BMP2K: variants seen among roughly 807,000 people sequenced by gnomAD.
BMP2K encodes BMP-2-inducible protein kinase.
In BMP2K, 74 loss-of-function variants were observed where a neutral mutation model predicts 116.0. The ratio of observed to expected loss-of-function variants is 0.64; its 90% CI spans 0.53 to 0.77. BMP2K has a LOEUF of 0.77. Ranked by LOEUF, BMP2K falls within the 30% of genes least tolerant of loss-of-function variation. BMP2K has a pLI of 0.00. For missense variants in BMP2K, 1,365 were observed against 1,403.6 expected, an observed-to-expected ratio of 0.97 and a Z score of 0.44; for synonymous variants, 486 against 502.5, an observed-to-expected ratio of 0.97 and a Z score of 0.44.
chr4:78,893,728 A>T (rs1392702901), intron 15 of BMP2K, among the ~76,000 whole-genome samples: 1 of 152,080 alleles, frequency 6.6e-6, no homozygotes, highest in Non-Finnish European at 1.5e-5. Flanking sequence ...ACACCTGCGA[A>T]ATTCTTTAAA....
At chr4:78,905,512 GT>G (rs1357309674) in intron 15 of BMP2K, among the ~76,000 whole-genome samples, 1 of 151,922 alleles carries the variant, frequency 6.6e-6, no homozygotes, top group Non-Finnish European at 1.5e-5. Context: ...CATCTACACA[GT>G]TTTTAATGCT....
intron 6 of BMP2K, among the ~76,000 whole-genome samples, chr4:78,849,690 T>C (rs1731160907): frequency 6.6e-6 from 1 of 151,642 alleles, no homozygotes; most frequent in Non-Finnish European, 1.5e-5. Flanking sequence ...TCATAAATCT[T>C]TTGTAACCAT....
intron 5 of BMP2K, among the ~76,000 whole-genome samples, chr4:78,846,868 G>T (rs568965212): frequency 1.3e-5 from 2 of 151,382 alleles, no homozygotes; most frequent in Admixed American, 1.3e-4. Context: ...TAGCCAAATT[G>T]TGTTATTTCA....
intron 1 of BMP2K, among the ~76,000 whole-genome samples, chr4:78,796,303 G>A (rs1267787789): frequency 4.1e-5 from 6 of 146,340 alleles, no homozygotes; most frequent in Admixed American, 2.1e-4. Flanking sequence ...ACCAAACACC[G>A]CATATTCTCA....
In BMP2K at chr4:78,884,583, TATC is replaced by T. The variant is rs559891769; in HGVS notation, c.1952-2588_1952-2586del. ...CCCTTGGATATTGACATGCTGTAGT[TATC>T]ATTCTGAGTCAGTCTCTTCCATTTG... On this transcript the variant is annotated intron_variant, in intron 14 of 15. Transcript: ENST00000502613. Among the ~76,000 whole-genome samples the T allele has an allele frequency of 5.3e-5, 8 of 152,330 alleles. No individual in the cohort carries two copies. In the East Asian group the frequency reaches 1.5e-3, roughly 29 times the overall value.
At chr4:78,808,804 A>G (rs933967786) in intron 1 of BMP2K, among the ~76,000 whole-genome samples, 31 of 151,704 alleles carry the variant, frequency 2.0e-4, no homozygotes, top group Admixed American at 2.0e-3. Context: ...ATTTACTTTT[A>G]TTGTGGTTGG....
intron 1 of BMP2K, among the ~76,000 whole-genome samples, chr4:78,794,219 G>A (rs1373170984): frequency 6.7e-6 from 1 of 148,240 alleles, no homozygotes; most frequent in Non-Finnish European, 1.5e-5. Context: ...GGTAGGCTGA[G>A]TGAAATCTGT....
intron 1 of BMP2K, among the ~76,000 whole-genome samples, chr4:78,810,556 A>G (rs1002954221): frequency 6.6e-6 from 1 of 152,194 alleles, no homozygotes; most frequent in African/African-American, 2.4e-5. Flanking sequence ...GTCAGGTCAC[A>G]TAAAGACAAA....
intron 1 of BMP2K, among the ~76,000 whole-genome samples, chr4:78,806,627 T>A (rs1728833750): frequency 6.6e-6 from 1 of 152,190 alleles, no homozygotes; most frequent in Non-Finnish European, 1.5e-5. Flanking sequence ...TATATATACC[T>A]GCTGTGTATC....
In BMP2K at chr4:78,818,235, A is replaced by G. The variant is rs796678911; in HGVS notation, c.179-7802A>G. Among the ~76,000 whole-genome samples the G allele has an allele frequency of 5.3e-5, 8 of 150,936 alleles. No homozygotes were observed. The South Asian group carries it at 1.7e-3, about 31-fold the overall frequency. ...TTTGCTGCACCCATCAACCCTTTGGATATATACCCATCATAATGCCTATAA... is the reference window on the plus strand; with the variant it reads ...TTTGCTGCACCCATCAACCCTTTGGGTATATACCCATCATAATGCCTATAA... On this transcript the variant is annotated intron_variant, in intron 1 of 15. Coordinates refer to ENST00000502613, the MANE Select transcript of BMP2K (RefSeq NM_198892.2).
intron 8 of BMP2K, among the ~76,000 whole-genome samples, chr4:78,860,293 T>G (rs1731711360): frequency 6.6e-6 from 1 of 151,834 alleles, no homozygotes; most frequent in African/African-American, 2.4e-5. Flanking sequence ...ATGCAGTATA[T>G]CCTTATAACA....
intron 15 of BMP2K, among the ~76,000 whole-genome samples, chr4:78,903,230 GTATT>G (rs777879420): frequency 2.6e-5 from 4 of 151,820 alleles, no homozygotes; most frequent in African/African-American, 4.8e-5. Flanking sequence ...TCATGTTCTT[GTATT>G]TATTTGGTGA....
chr4:78,883,005 C>A (rs1453682613), intron 14 of BMP2K, among the ~76,000 whole-genome samples: 1 of 151,998 alleles, frequency 6.6e-6, no homozygotes, highest in Non-Finnish European at 1.5e-5. Context: ...ACACCATTAT[C>A]CATATAAGCA....
intron 10 of BMP2K, among the ~76,000 whole-genome samples, chr4:78,868,497 A>G (rs1250747991): frequency 6.6e-6 from 1 of 152,132 alleles, no homozygotes. Context: ...TTCAAAACCA[A>G]TCATGCCTTC....
chr4:78,850,008 G>A (rs569949805), intron 6 of BMP2K, among the ~76,000 whole-genome samples: 1 of 151,806 alleles, frequency 6.6e-6, no homozygotes, highest in East Asian at 1.9e-4. Flanking sequence ...ATAAGGCCAA[G>A]TTTCGGTATT....
At chr4:78,870,664 T>G (rs1732283931) in intron 10 of BMP2K, 119 bp from the exon 11 acceptor site, 1 of 1,341,598 alleles carries the variant, frequency 7.5e-7, no homozygotes, top group Non-Finnish European at 9.9e-7. Flanking sequence ...GAAGTTTTTG[T>G]GTTATAAATA....
chr4:78,809,318 T>C (rs192877016), intron 1 of BMP2K, among the ~76,000 whole-genome samples: 138 of 152,306 alleles, frequency 9.1e-4, no homozygotes, highest in African/African-American at 3.2e-3. Flanking sequence ...TACCATCCTT[T>C]TAGTTTTAAT....
chr4:78,887,378 G>A, intron 15 of BMP2K, 94 bp downstream of exon 15: 1 of 841,932 alleles, frequency 1.2e-6, no homozygotes, highest in East Asian at 2.8e-5. Context: ...TCTGATGTTA[G>A]TTAGCTACAG....
chr4:78,776,733 C>G lies in BMP2K; in HGVS notation c.178+12C>G. The G allele has an allele frequency of 7.9e-7, 1 of 1,263,162 alleles. No homozygotes were observed. Among genetic ancestry groups the G allele is most frequent in the East Asian group, 2.9e-5 (1 of 34,178 alleles). The allele number at this position is 1,263,162 out of a possible 1,614,324, so 78.2% of individuals were successfully genotyped here. A position where few individuals can be genotyped will look rare whatever the true frequency, so the allele number is the denominator to read the frequency against. ...GTCGCTGGCCGAAGGTACGGGCGCC[C>G]GGGGAGGCTCGGACAGGCAGGTGAG... On this transcript the variant is annotated intron_variant, in intron 1 of 15. Coordinates refer to ENST00000502613, the MANE Select transcript of BMP2K (RefSeq NM_198892.2).
Sources: gnomAD v4.1 joint callset for allele counts (sites outside exome capture counted in the v4.1 genomes callset) on GRCh38, gnomAD v4.1.1 for gene constraint, MANE v1.5 for transcripts, NCBI Gene and HGNC (gene_info 2026-07-23, HGNC 2026-07-21) for gene names.